Variants in RNF10 observed in about 807,000 individuals in gnomAD.
RNF10 encodes the protein E3 ubiquitin-protein ligase RNF10.
In RNF10, 38 loss-of-function variants were observed where a neutral mutation model predicts 91.4. That is an observed-to-expected ratio of 0.42 (90% confidence interval 0.32 to 0.54). The LOEUF is 0.54. Among genes scored for constraint, RNF10 ranks in the 20% least tolerant of loss-of-function variants. RNF10 has a pLI of 0.16. For synonymous variants in RNF10, 364 were observed against 366.3 expected (o/e 0.99, Z 0.07); for missense variants, 945 against 1,012.0 (o/e 0.93, Z 0.90).
In RNF10 at chr12:120,577,063, C is replaced by T. The variant is rs750426110; in HGVS notation, c.*397C>T. 13 of 404,494 alleles carry T rather than the reference C, an allele frequency of 3.2e-5. No homozygotes were observed. The highest frequency in any genetic ancestry group is 1.5e-4 in the African/African-American group (7 of 48,098). The allele number at this position is 404,494 out of a possible 1,614,324, so 25.1% of individuals were successfully genotyped here. A position where few individuals can be genotyped will look rare whatever the true frequency, so the allele number is the denominator to read the frequency against. Reference sequence around the variant, plus strand: ...GCATCATGTCAGGGCTTCCTGGACTCAGTACACCTCTCAGTTTGTCTTTTA... The same window carrying T: ...GCATCATGTCAGGGCTTCCTGGACTTAGTACACCTCTCAGTTTGTCTTTTA... On this transcript the variant is annotated 3_prime_UTR_variant, in exon 17 of 17. Transcript: ENST00000325954.
intron 3 of RNF10, among the ~76,000 whole-genome samples, chr12:120,553,605 G>C (rs1408254054): frequency 1.4e-5 from 2 of 147,496 alleles, no homozygotes; most frequent in Non-Finnish European, 3.0e-5. Flanking sequence ...GTGTTGCACC[G>C]TATTAGCCAG....
At position 120,535,178 on chromosome 12, in the gene RNF10, C is replaced by T. The variant is rs1055580394; in HGVS notation, c.157+210C>T. On this transcript the variant is annotated intron_variant, in intron 1 of 16. Transcript: ENST00000325954. ...TCATTTACATTAATACTCAAAACTGCTCGATTAAGCAGGTGCTGTTCTTAT... is the reference window on the plus strand; with the variant it reads ...TCATTTACATTAATACTCAAAACTGTTCGATTAAGCAGGTGCTGTTCTTAT... Among the ~76,000 whole-genome samples the T allele has an allele frequency of 7.9e-5, 12 of 152,204 alleles. No homozygotes were observed. In the South Asian group the frequency reaches 1.2e-3, roughly 16 times the overall value.
intron 4 of RNF10, among the ~76,000 whole-genome samples, chr12:120,556,260 C>T (rs985968025): frequency 4.6e-5 from 7 of 151,552 alleles, no homozygotes; most frequent in East Asian, 2.0e-4. Context: ...TCTCGCCGGG[C>T]GCGGTGGCTC....
chr12:120,555,613 G>C (rs1371572202), intron 4 of RNF10, among the ~76,000 whole-genome samples: 1 of 151,678 alleles, frequency 6.6e-6, no homozygotes, highest in Non-Finnish European at 1.5e-5. Flanking sequence ...TCAGCCTCCC[G>C]AGTAACTGGG....
rs770724752 is a variant in RNF10 at position 120,557,521 on chromosome 12, CT to C, written c.831-24del. The C allele has an allele frequency of 9.9e-6, 16 of 1,613,896 alleles. No individual in the cohort carries two copies. In the Admixed American group the frequency reaches 2.7e-4, roughly 27 times the overall value. ...CCCAATCTCTTCACTCCTTGCCCTG[CT>C]ACATATGAGTGTCCATGTTTCAGTG... On this transcript the variant is annotated intron_variant, in intron 5 of 16. Coordinates refer to ENST00000325954, the MANE Select transcript of RNF10 (RefSeq NM_014868.5).
chr12:120,552,502 G>A lies in RNF10; in HGVS notation c.358G>A (p.Ala120Thr). The A allele has an allele frequency of 6.2e-7, 1 of 1,612,840 alleles. No individual in the cohort carries two copies. Among genetic ancestry groups the A allele is most frequent in the Non-Finnish European group, 8.5e-7 (1 of 1,178,846 alleles). Residue 120 changes from alanine to threonine, a missense_variant, in exon 3 of 17, where the codon GCA (alanine) becomes ACA (threonine). Physicochemically the swap from Ala to Thr is moderately conservative, Grantham distance 58. Transcript: ENST00000325954. ...SFNGGRRDEV[A>T]EAQRAEFSPA... ...GATTCATTCTCATTCTCTCTAGGTA[G>A]CAGAGGCTCAACGGGCAGAGTTTAG...
intron 1 of RNF10, 56 bp downstream of exon 1, chr12:120,535,024 G>C: frequency 6.7e-7 from 1 of 1,501,180 alleles, no homozygotes; most frequent in Non-Finnish European, 8.8e-7. Context: ...GCTGGGGAGA[G>C]TCGTTGCTCT....
intron 1 of RNF10, chr12:120,539,268 G>C (rs557930333): frequency 1.9e-6 from 1 of 512,888 alleles, no homozygotes. Context: ...AGTCCTAGGC[G>C]GTATTTTTCA....
At chr12:120,548,701 C>G (rs1168157185) in intron 2 of RNF10, among the ~76,000 whole-genome samples, 1 of 150,624 alleles carries the variant, frequency 6.6e-6, no homozygotes, top group Admixed American at 6.6e-5. Context: ...CTCTGTCCCC[C>G]CAGGCTGGAG....
rs192610876 is a variant in RNF10 at position 120,538,936 on chromosome 12, G to A, written c.157+3968G>A. On this transcript the variant is annotated intron_variant, in intron 1 of 16. Coordinates refer to ENST00000325954, the MANE Select transcript of RNF10 (RefSeq NM_014868.5). ...AGATTTTAATGGCTTTGAAAATTGA[G>A]GTGATTTGAAGCCTTCAGTAAAACC... Among the ~76,000 whole-genome samples, 9 of 152,258 alleles carry A rather than the reference G, an allele frequency of 5.9e-5. No homozygotes were observed. In the East Asian group the frequency reaches 1.7e-3, roughly 29 times the overall value.
At chr12:120,566,511 C>T (rs988096381) in intron 12 of RNF10, among the ~76,000 whole-genome samples, 6 of 152,112 alleles carry the variant, frequency 3.9e-5, no homozygotes, top group Admixed American at 3.3e-4. Flanking sequence ...TCTATAATCC[C>T]AACACTTTGG....
chr12:120,559,176 C>CTTTTTTTTTTTT (rs34120761), intron 6 of RNF10, among the ~76,000 whole-genome samples: 1 of 95,808 alleles, frequency 1.0e-5, no homozygotes, highest in African/African-American at 5.5e-5. Flanking sequence ...TTGAACTACT[C>CTTTTTTTTTTTT]TTTTTTTTTT....
In RNF10 at chr12:120,546,429, A is replaced by G. The variant is rs772358194; in HGVS notation, c.182A>G (p.Lys61Arg). The change falls in exon 2 of 17, where the codon AAG becomes AGG. Residue 61 changes from lysine (K) to arginine (R), a missense_variant. Coordinates refer to ENST00000325954, the MANE Select transcript of RNF10 (RefSeq NM_014868.5). The part of the protein sequence containing the change: ...KSDGKNSSGS[K>R]RYNRKRELSY... ...GATGGAAAGAACTCCAGTGGATCCA[A>G]GCGTTATAATCGCAAACGTGAACTT... 6 of 1,613,480 alleles carry G rather than the reference A, an allele frequency of 3.7e-6. No homozygotes were observed. The highest frequency in any genetic ancestry group is 4.2e-6 in the Non-Finnish European group (5 of 1,179,820).
intron 14 of RNF10, among the ~76,000 whole-genome samples, chr12:120,572,716 C>G (rs1369852289): frequency 6.6e-6 from 1 of 151,904 alleles, no homozygotes; most frequent in Non-Finnish European, 1.5e-5. Flanking sequence ...CTGCCTCAGC[C>G]TCCCGGGTAG....
intron 1 of RNF10, among the ~76,000 whole-genome samples, chr12:120,540,709 G>C (rs1871417855): frequency 6.6e-6 from 1 of 152,052 alleles, no homozygotes; most frequent in Non-Finnish European, 1.5e-5. Flanking sequence ...ATCATGATGT[G>C]GTCAGTTGTT....
At position 120,534,572 on chromosome 12, in the gene RNF10, G is replaced by C; in HGVS notation, c.-240G>C. ...CGCAGCCTCCGCCCCGCCAGGCCCG[G>C]CCCGGACTCCCGAGCCCCGGCCTCC... On this transcript the variant is annotated 5_prime_UTR_variant, in exon 1 of 17. Transcript: ENST00000325954. The C allele has an allele frequency of 2.2e-6, 2 of 900,186 alleles. No individual in the cohort carries two copies. The highest frequency in any genetic ancestry group is 2.9e-6 in the Non-Finnish European group (2 of 680,670). 55.8% of individuals were successfully genotyped at this position (900,186 alleles called of 1,614,324 possible).
At position 120,534,657 on chromosome 12, in the gene RNF10, G is replaced by A; in HGVS notation, c.-155G>A. On this transcript the variant is annotated 5_prime_UTR_variant, in exon 1 of 17. Transcript: ENST00000325954. ...GCCCCGTCCGCCGCTTCTCTTCCTA[G>A]TTTGAGAAGCCAAGGAAGGAAACAG... The A allele has an allele frequency of 7.3e-7, 1 of 1,361,666 alleles. No individual in the cohort carries two copies. Among genetic ancestry groups the A allele is most frequent in the Non-Finnish European group, 9.4e-7 (1 of 1,065,072 alleles). The allele number at this position is 1,361,666 out of a possible 1,614,324, so 84.3% of individuals were successfully genotyped here.
At chr12:120,571,168 T>G (rs760032886) in intron 13 of RNF10, 23 bp from the exon 14 acceptor site, 2 of 1,540,434 alleles carry the variant, frequency 1.3e-6, no homozygotes, top group South Asian at 1.1e-5. Context: ...ACGAATATAA[T>G]CAGGTCTCTG....
chr12:120,535,001 G>A (rs753209706), intron 1 of RNF10, 33 bp downstream of exon 1: 1 of 1,556,670 alleles, frequency 6.4e-7, no homozygotes, highest in Admixed American at 1.9e-5. Context: ...GGGCGGGGGC[G>A]ACTGCCCCTG....
Sources: gnomAD v4.1 joint callset for allele counts (sites outside exome capture counted in the v4.1 genomes callset) on GRCh38, gnomAD v4.1.1 for gene constraint, MANE v1.5 for transcripts, NCBI Gene and HGNC (gene_info 2026-07-23, HGNC 2026-07-21) for gene names.